The following CHEK2 variants were observed in gnomAD, a reference collection of about 807,000 sequenced individuals.
CHEK2 encodes the protein checkpoint kinase 2.
A neutral mutation model predicts 69.1 loss-of-function variants in CHEK2; 71 were observed. The ratio of observed to expected loss-of-function variants is 1.03; its 90% CI spans 0.85 to 1.25. CHEK2 has a LOEUF of 1.25. Among genes scored for constraint, CHEK2 ranks in the 50% most tolerant of loss-of-function variants. The probability of loss-of-function intolerance (pLI) is 0.00; values close to 1 mark genes in which losing one functional copy is unlikely to be tolerated. For missense variants in CHEK2, 664 were observed against 649.6 expected (o/e 1.02, Z -0.24); for synonymous variants, 189 against 226.9 (o/e 0.83, Z 1.50).
chr22:28,702,386 C>T (rs1232805316), intron 8 of CHEK2, among the ~76,000 whole-genome samples: 9 of 150,530 alleles, frequency 6.0e-5, no homozygotes, highest in Middle Eastern at 3.4e-3. Context: ...CTACAGGAGC[C>T]CACCACCACA....
At chr22:28,692,185 T>C (rs2052391998) in intron 13 of CHEK2, among the ~76,000 whole-genome samples, 1 of 152,256 alleles carries the variant, frequency 6.6e-6, no homozygotes, top group African/African-American at 2.4e-5. Flanking sequence ...CAGGCTCAAC[T>C]GGCCAGCTCT....
intron 5 of CHEK2, among the ~76,000 whole-genome samples, chr22:28,715,924 G>A (rs1366821183): frequency 6.6e-6 from 1 of 150,914 alleles, no homozygotes; most frequent in Non-Finnish European, 1.5e-5. Context: ...GGAATGCAGT[G>A]GCATGATGAT....
rs2053400599 is a variant in CHEK2 at position 28,711,795 on chromosome 22, C to T, written c.792+114G>A. 4.0e-6 allele frequency: 3 copies of T among 757,420 alleles called. No individual in the cohort carries two copies. In the Admixed American group the frequency reaches 6.1e-5, roughly 15 times the overall value. The allele number at this position is 757,420 out of a possible 1,614,324, so 46.9% of individuals were successfully genotyped here. ...CCATGTTCTTTGATACTCACAAATT[C>T]ATCCATCTAAGCAGGGGGTTATTCC... On this transcript the variant is annotated intron_variant, in intron 6 of 14. Transcript: ENST00000404276.
chr22:28,714,600 T>C (rs972699773), intron 5 of CHEK2, among the ~76,000 whole-genome samples: 3 of 152,210 alleles, frequency 2.0e-5, no homozygotes, highest in Admixed American at 6.5e-5. Context: ...TTTTCACTTA[T>C]TGATAGGTAT....
chr22:28,721,738 A>G (rs570892683), intron 4 of CHEK2: 1 of 363,688 alleles, frequency 2.7e-6, no homozygotes, highest in East Asian at 7.6e-5. Context: ...ATAAATACAT[A>G]TAATTTTTTT....
At chr22:28,737,644 A>AT (rs956472657) in intron 1 of CHEK2, among the ~76,000 whole-genome samples, 25 of 151,124 alleles carry the variant, frequency 1.7e-4, no homozygotes, top group East Asian at 5.8e-4. Context: ...TAATTTGTAT[A>AT]TTTTTTTTAG....
In CHEK2 at chr22:28,725,035, T is replaced by C. The variant is rs554465930; in HGVS notation, c.534A>G (p.Gly178=). 30 of 1,613,992 alleles carry C rather than the reference T, an allele frequency of 1.9e-5. No homozygotes were observed. In the South Asian group the frequency reaches 3.0e-4, roughly 16 times the overall value. Residue 178 remains glycine, a synonymous_variant, in exon 4 of 15, where the codon GGA becomes GGG. Transcript: ENST00000404276. ...TFVNTELVGK[G]KRRPLNNNSE... ...AATTGTTATTCAAAGGACGGCGTTT[T>C]CCTTTCCCTACAAGCTCTGTATTTA... is the stretch of plus-strand genomic sequence containing the variant.
chr22:28,732,363 G>A (rs1274469008), intron 2 of CHEK2, among the ~76,000 whole-genome samples: 2 of 152,010 alleles, frequency 1.3e-5, no homozygotes, highest in African/African-American at 2.4e-5. Flanking sequence ...CGCCCATCTC[G>A]GCCTCCCAAA....
intron 4 of CHEK2, among the ~76,000 whole-genome samples, chr22:28,723,191 G>A (rs149263364): frequency 6.6e-6 from 1 of 152,312 alleles, no homozygotes; most frequent in Non-Finnish European, 1.5e-5. Context: ...GCTACCTGAT[G>A]AGGCTGATAA....
At chr22:28,722,191 G>A (rs1315561757) in intron 4 of CHEK2, among the ~76,000 whole-genome samples, 2 of 151,976 alleles carry the variant, frequency 1.3e-5, no homozygotes, top group Non-Finnish European at 2.9e-5. Flanking sequence ...CCTCCCCTAG[G>A]TACCCACAAA....
intron 2 of CHEK2, 83 bp from the exon 3 acceptor site, chr22:28,725,450 G>A (rs2146074133): frequency 6.6e-7 from 1 of 1,506,352 alleles, no homozygotes; most frequent in African/African-American, 1.4e-5. Flanking sequence ...GCTAATTGTA[G>A]GAAAATAGCC....
At chr22:28,716,677 T>C (rs2145985682) in intron 5 of CHEK2, among the ~76,000 whole-genome samples, 1 of 152,318 alleles carries the variant, frequency 6.6e-6, no homozygotes, top group African/African-American at 2.4e-5. Context: ...TGTACTTTCC[T>C]TCCATGTTTC....
At chr22:28,729,297 A>C in intron 2 of CHEK2, 1 of 252,190 alleles carries the variant, frequency 4.0e-6, no homozygotes, top group Non-Finnish European at 8.1e-6. Flanking sequence ...TATTCCCAGC[A>C]CTTTGGGAGG....
intron 2 of CHEK2, chr22:28,727,903 C>T (rs2054066598): frequency 6.6e-6 from 1 of 152,178 alleles, no homozygotes; most frequent in South Asian, 2.1e-4. Flanking sequence ...CATACATTGC[C>T]ATTGGGAATA....
chr22:28,699,828 C>T lies in CHEK2; in HGVS notation c.1008+10G>A, dbSNP rs1457958792. 6.3e-7 allele frequency: 1 copy of T among 1,589,526 alleles called. No homozygotes were observed. The highest frequency in any genetic ancestry group is 1.1e-5 in the South Asian group (1 of 90,590). ...AGGCAGCTGTCAAAAGAATTGAGGG[C>T]TTCTTTTACCTGCACAGCCAAGAGC... On this transcript the variant is annotated intron_variant, in intron 9 of 14. Coordinates refer to ENST00000404276, the MANE Select transcript of CHEK2 (RefSeq NM_007194.4).
In CHEK2 at chr22:28,710,091, T is replaced by TA. The variant is rs764338984; in HGVS notation, c.793-33dup. The TA allele has an allele frequency of 1.5e-6, 2 of 1,375,274 alleles. No individual in the cohort carries two copies. The highest frequency in any genetic ancestry group is 2.1e-6 in the Non-Finnish European group (2 of 969,220). The allele number at this position is 1,375,274 out of a possible 1,614,324, so 85.2% of individuals were successfully genotyped here. ...TAAACAGAATAACAGAGTTTATTAG[T>TA]AATAATAATTGCCAATATTTAAAAA... On this transcript the variant is annotated intron_variant, in intron 6 of 14. Coordinates refer to ENST00000404276, the MANE Select transcript of CHEK2 (RefSeq NM_007194.4).
At chr22:28,700,211 C>CTTTTT (rs1188199517) in intron 8 of CHEK2, among the ~76,000 whole-genome samples, 1 of 128,028 alleles carries the variant, frequency 7.8e-6, no homozygotes, top group Non-Finnish European at 1.7e-5. Flanking sequence ...CCAGGAGTTG[C>CTTTTT]TTTTTTTTTT....
At chr22:28,739,768 A>G (rs2054505919) in intron 1 of CHEK2, among the ~76,000 whole-genome samples, 1 of 152,182 alleles carries the variant, frequency 6.6e-6, no homozygotes, top group Non-Finnish European at 1.5e-5. Flanking sequence ...AAGATAGGCA[A>G]AACAGATGCT....
intron 2 of CHEK2, among the ~76,000 whole-genome samples, chr22:28,725,884 G>A (rs1395979955): frequency 2.7e-5 from 4 of 148,064 alleles, no homozygotes; most frequent in Non-Finnish European, 6.0e-5. Flanking sequence ...ACACTAGCCT[G>A]GGCGACAGAG....
Sources: gnomAD v4.1 joint callset for allele counts (sites outside exome capture counted in the v4.1 genomes callset) on GRCh38, gnomAD v4.1.1 for gene constraint, MANE v1.5 for transcripts, NCBI Gene and HGNC (gene_info 2026-07-23, HGNC 2026-07-21) for gene names.